Variants in MBNL1 observed in about 807,000 individuals in gnomAD.
The protein encoded by MBNL1 is muscleblind like splicing regulator 1.
Under a neutral mutation model 42.2 loss-of-function variants are expected in MBNL1, and 8 were observed. The ratio of observed to expected loss-of-function variants is 0.19; its 90% confidence interval spans 0.11 to 0.34. The LOEUF (loss-of-function observed/expected upper bound fraction) is 0.34. Among genes scored for constraint, MBNL1 ranks in the 10% least tolerant of loss-of-function variants. MBNL1 has a pLI of 1.00. For synonymous variants in MBNL1, 169 were observed against 173.9 expected, an observed-to-expected ratio of 0.97 and a Z score of 0.22; for missense variants, 309 against 495.3, an observed-to-expected ratio of 0.62 and a Z score of 3.57.
At chr3:152,456,075 T>C (rs1266870338) in intron 7 of MBNL1, among the ~76,000 whole-genome samples, 192 bp from the exon 8 acceptor site, 1 of 152,010 alleles carries the variant, frequency 6.6e-6, no homozygotes, top group Non-Finnish European at 1.5e-5. Context: ...CTTTCATCCC[T>C]CCTCCCCTTC....
intron 2 of MBNL1, among the ~76,000 whole-genome samples, chr3:152,359,234 T>C (rs985777429): frequency 2.0e-5 from 3 of 152,228 alleles, no homozygotes; most frequent in African/African-American, 7.2e-5. Flanking sequence ...AGTCATTTGA[T>C]TTAAAAGGAG....
chr3:152,376,324 G>T (rs1191443140), intron 2 of MBNL1, among the ~76,000 whole-genome samples: 2 of 152,134 alleles, frequency 1.3e-5, no homozygotes, highest in Non-Finnish European at 2.9e-5. Context: ...TCTCAGAAAA[G>T]TCTCACATAT....
intron 3 of MBNL1, among the ~76,000 whole-genome samples, chr3:152,419,684 TTTTTGTTTGTTTGTTTG>T (rs2098767527): frequency 9.1e-6 from 1 of 110,064 alleles, no homozygotes; most frequent in Non-Finnish European, 1.9e-5. Context: ...TGCAGGAGTT[TTTTTGTTTGTTTGTTTG>T]TTTGTTTGTT....
intron 1 of MBNL1, among the ~76,000 whole-genome samples, chr3:152,270,227 A>G (rs1476295630): frequency 6.6e-6 from 1 of 152,146 alleles, no homozygotes; most frequent in Non-Finnish European, 1.5e-5. Context: ...TTGTGTGCCC[A>G]CCAGCACAGG....
intron 6 of MBNL1, among the ~76,000 whole-genome samples, chr3:152,453,353 A>G (rs563161853): frequency 6.6e-6 from 1 of 152,146 alleles, no homozygotes; most frequent in Non-Finnish European, 1.5e-5. Flanking sequence ...CTACATTTTC[A>G]TACATATCAA....
chr3:152,248,126 A>T (rs1443459189), intron 2 of MBNL1, among the ~76,000 whole-genome samples: 1 of 152,084 alleles, frequency 6.6e-6, no homozygotes, highest in Non-Finnish European at 1.5e-5. Context: ...TAAAATTTTT[A>T]AAAGTGTACC....
rs558787000 is a variant in MBNL1 at position 152,340,425 on chromosome 3, C to A, written c.174+40058C>A. The stretch of plus-strand genomic sequence containing the variant: ...ATGACAATGACTGAGTTTTTTCCTG[C>A]CAAGTTCAGTTCCATTTTTTTTTTA... On this transcript the variant is annotated intron_variant, in intron 2 of 9. Coordinates refer to ENST00000324210, the MANE Select transcript of MBNL1 (RefSeq NM_021038.5). 1.8e-4 allele frequency: 250 copies of A among 1,398,840 alleles called. 2 individuals carry two copies. In the Middle Eastern group the frequency reaches 6.0e-3, roughly 33 times the overall value. 86.7% of individuals were successfully genotyped at this position (1,398,840 alleles called of 1,614,324 possible). A position where few individuals can be genotyped will look rare whatever the true frequency, so the allele number is the denominator to read the frequency against.
intron 2 of MBNL1, among the ~76,000 whole-genome samples, chr3:152,372,252 C>T (rs890865467): frequency 3.9e-5 from 6 of 152,160 alleles, no homozygotes; most frequent in African/African-American, 1.4e-4. Context: ...AGAATGTGCT[C>T]CTTTAGCTCG....
At chr3:152,441,730 C>CATTAT (rs2099148011) in intron 4 of MBNL1, among the ~76,000 whole-genome samples, 2 of 152,182 alleles carry the variant, frequency 1.3e-5, no homozygotes, top group African/African-American at 2.4e-5. Flanking sequence ...TGTTGAATCA[C>CATTAT]ATTATATGTG....
intron 2 of MBNL1, among the ~76,000 whole-genome samples, chr3:152,259,051 T>A (rs1175526745): frequency 6.6e-6 from 1 of 152,192 alleles, no homozygotes; most frequent in Non-Finnish European, 1.5e-5. Flanking sequence ...CCTGGCTAAG[T>A]CTATAATTTA....
At chr3:152,450,728 A>G (rs1395742285) in intron 6 of MBNL1, among the ~76,000 whole-genome samples, 1 of 152,214 alleles carries the variant, frequency 6.6e-6, no homozygotes, top group African/African-American at 2.4e-5. Flanking sequence ...GTTGGTTGTA[A>G]GAAACCCGCA....
At chr3:152,400,828 A>G (rs1426988984) in intron 2 of MBNL1, among the ~76,000 whole-genome samples, 1 of 152,218 alleles carries the variant, frequency 6.6e-6, no homozygotes, top group Non-Finnish European at 1.5e-5. Context: ...ACAGTCAGAT[A>G]ACATTAGCAG....
intron 2 of MBNL1, among the ~76,000 whole-genome samples, chr3:152,355,644 A>G (rs2095462199): frequency 6.6e-6 from 1 of 152,148 alleles, no homozygotes; most frequent in Non-Finnish European, 1.5e-5. Context: ...GAAAAGTGTA[A>G]TTTTTTATTA....
intron 2 of MBNL1, among the ~76,000 whole-genome samples, chr3:152,325,829 TTTG>T (rs1277503258): frequency 2.6e-5 from 4 of 151,856 alleles, no homozygotes; most frequent in Admixed American, 2.0e-4. Flanking sequence ...GTCTTTTTTG[TTTG>T]TTAAGTTTAA....
intron 2 of MBNL1, among the ~76,000 whole-genome samples, chr3:152,391,594 G>C (rs1402512218): frequency 6.6e-6 from 1 of 152,206 alleles, no homozygotes; most frequent in Non-Finnish European, 1.5e-5. Flanking sequence ...GGCTGACAGT[G>C]TTGGGGGCTT....
chr3:152,323,910 CCTTT>C (rs1297995340), intron 2 of MBNL1, among the ~76,000 whole-genome samples: 4 of 152,132 alleles, frequency 2.6e-5, no homozygotes, highest in African/African-American at 4.8e-5. Context: ...TTTGTTCCCT[CCTTT>C]CTTATGATCA....
chr3:152,434,999 T>C (rs1280863076), intron 4 of MBNL1, among the ~76,000 whole-genome samples: 1 of 152,090 alleles, frequency 6.6e-6, no homozygotes, highest in Non-Finnish European at 1.5e-5. Context: ...GGCTGTTTAC[T>C]CTGTTGATAG....
rs2098676894 is a variant in MBNL1 at position 152,415,207 on chromosome 3, G to A, written c.345+96G>A. The A allele has an allele frequency of 5.1e-6, 6 of 1,180,774 alleles. No individual in the cohort carries two copies. The South Asian group carries it at 1.3e-4, about 25-fold the overall frequency. 73.1% of individuals were successfully genotyped at this position (1,180,774 alleles called of 1,614,324 possible). A position where few individuals can be genotyped will look rare whatever the true frequency, so the allele number is the denominator to read the frequency against. On this transcript the variant is annotated intron_variant, in intron 3 of 9. Coordinates refer to ENST00000324210, the MANE Select transcript of MBNL1 (RefSeq NM_021038.5). ...TATTGCACCGGATCAAATGAACACAGGCAACAATTTCAGTTGCCTTACCAT... is the reference window on the plus strand; with the variant it reads ...TATTGCACCGGATCAAATGAACACAAGCAACAATTTCAGTTGCCTTACCAT...
chr3:152,408,756 G>T (rs1014314525), intron 2 of MBNL1, among the ~76,000 whole-genome samples: 3 of 151,922 alleles, frequency 2.0e-5, no homozygotes, highest in Admixed American at 2.0e-4. Context: ...GGGTGATGCT[G>T]TCCTCCCTCC....
Sources: allele counts gnomAD v4.1 joint callset (sites outside exome capture counted in the v4.1 genomes callset), GRCh38; gene constraint gnomAD v4.1.1; transcripts MANE v1.5; gene names NCBI Gene and HGNC (gene_info 2026-07-23, HGNC 2026-07-21).